STK17B: variants seen among roughly 807,000 people sequenced by gnomAD.
STK17B encodes the protein serine/threonine-protein kinase 17B.
In STK17B, 21 loss-of-function variants were observed where a neutral mutation model predicts 42.0. The observed-to-expected ratio is 0.50, with a 90% CI of 0.35 to 0.72. The LOEUF (loss-of-function observed/expected upper bound fraction) is 0.72. Ranked by LOEUF, STK17B falls within the 30% of genes least tolerant of loss-of-function variation. The pLI, the probability that STK17B is intolerant of heterozygous loss-of-function variation, is 0.00. For missense variants in STK17B, 349 were observed against 446.0 expected (o/e 0.78, Z 1.96); for synonymous variants, 143 against 148.4 (o/e 0.96, Z 0.26).
At chr2:196,144,923 T>C (rs934074264) in intron 4 of STK17B, among the ~76,000 whole-genome samples, 1 of 152,056 alleles carries the variant, frequency 6.6e-6, no homozygotes, top group African/African-American at 2.4e-5. Flanking sequence ...TAATTAGCTC[T>C]GTTGTTGTCA....
chr2:196,145,063 T>C (rs1485038674), intron 4 of STK17B, among the ~76,000 whole-genome samples: 1 of 151,196 alleles, frequency 6.6e-6, no homozygotes, highest in East Asian at 1.9e-4. Context: ...ATTTACTGTG[T>C]TGCTTCTTTT....
intron 1 of STK17B, among the ~76,000 whole-genome samples, chr2:196,167,554 T>C (rs1187806766): frequency 6.6e-6 from 1 of 152,204 alleles, no homozygotes; most frequent in Non-Finnish European, 1.5e-5. Flanking sequence ...ACTTACAAAA[T>C]GTCAGTTCTA....
At chr2:196,143,863 C>A (rs1375385056) in intron 4 of STK17B, among the ~76,000 whole-genome samples, 177 bp from the exon 5 acceptor site, 1 of 151,894 alleles carries the variant, frequency 6.6e-6, no homozygotes, top group Non-Finnish European at 1.5e-5. Flanking sequence ...ATGCATAAAG[C>A]CAAAAACACA....
intron 3 of STK17B, chr2:196,151,452 C>G (rs761383979): frequency 6.6e-6 from 1 of 152,218 alleles, no homozygotes; most frequent in East Asian, 1.9e-4. Flanking sequence ...AGGATGGTCT[C>G]GATCTCCTGA....
chr2:196,139,533 C>G (rs1699461992), intron 7 of STK17B, 87 bp downstream of exon 7: 8 of 857,686 alleles, frequency 9.3e-6, no homozygotes, highest in Non-Finnish European at 1.3e-5. Flanking sequence ...TTAGAATATA[C>G]TTTCTTAATA....
At chr2:196,149,653 T>C (rs1051633368) in intron 3 of STK17B, among the ~76,000 whole-genome samples, 2 of 152,158 alleles carry the variant, frequency 1.3e-5, no homozygotes, top group African/African-American at 4.8e-5. Flanking sequence ...TATTCTTAAG[T>C]GAAAAAGGAG....
intron 3 of STK17B, 106 bp from the exon 4 acceptor site, chr2:196,146,161 T>C: frequency 8.5e-7 from 1 of 1,169,632 alleles, no homozygotes. Context: ...TAAATGTTAA[T>C]ACGTTACACT....
chr2:196,152,169 C>T (rs569996933), intron 3 of STK17B, among the ~76,000 whole-genome samples: 49 of 149,400 alleles, frequency 3.3e-4, no homozygotes, highest in Non-Finnish European at 5.8e-4. Flanking sequence ...CGTAGTGGTG[C>T]GATCTCAGCT....
intron 3 of STK17B, chr2:196,153,360 A>C (rs1027821246): frequency 6.6e-6 from 1 of 152,038 alleles, no homozygotes; most frequent in African/African-American, 2.4e-5. Flanking sequence ...TGAATAAGCA[A>C]GTATTGCTGA....
chr2:196,174,660 G>C (rs539028007), upstream of STK17B, among the ~76,000 whole-genome samples: 2 of 152,326 alleles, frequency 1.3e-5, no homozygotes, highest in South Asian at 4.1e-4. Context: ...ATGGAGACAG[G>C]CTCCTCCAAA....
chr2:196,162,642 T>G (rs1254576777), intron 2 of STK17B, among the ~76,000 whole-genome samples: 1 of 151,898 alleles, frequency 6.6e-6, no homozygotes, highest in Non-Finnish European at 1.5e-5. Context: ...TCACACCAAT[T>G]ATCTCAGCAC....
intron 2 of STK17B, among the ~76,000 whole-genome samples, chr2:196,159,306 AG>A (rs1172127892): frequency 1.5e-5 from 2 of 132,430 alleles, no homozygotes; most frequent in East Asian, 2.8e-4. Flanking sequence ...TATTACCAAG[AG>A]GTTGTTTTTT....
At chr2:196,144,206 A>G (rs1699535369) in intron 4 of STK17B, among the ~76,000 whole-genome samples, 1 of 145,834 alleles carries the variant, frequency 6.9e-6, no homozygotes, top group African/African-American at 2.5e-5. Flanking sequence ...AAAAAAAAAA[A>G]GAGGCCGGGC....
intron 1 of STK17B, among the ~76,000 whole-genome samples, chr2:196,168,993 A>G (rs1261698029): frequency 6.6e-6 from 1 of 152,006 alleles, no homozygotes; most frequent in East Asian, 1.9e-4. Context: ...ACAAATACCC[A>G]TACAGTGCAG....
intron 7 of STK17B, 71 bp downstream of exon 7, chr2:196,139,549 A>G (rs1699462400): frequency 1.0e-6 from 1 of 954,012 alleles, no homozygotes; most frequent in Non-Finnish European, 1.4e-6. Flanking sequence ...TAATAGGTAT[A>G]TATTATTTAT....
At chr2:196,162,232 A>G (rs937431174) in intron 2 of STK17B, among the ~76,000 whole-genome samples, 2 of 152,182 alleles carry the variant, frequency 1.3e-5, no homozygotes, top group African/African-American at 4.8e-5. Flanking sequence ...TGGTTTCATA[A>G]TATCATGTCA....
At chr2:196,159,526 G>T (rs548813207) in intron 2 of STK17B, among the ~76,000 whole-genome samples, 1 of 152,094 alleles carries the variant, frequency 6.6e-6, no homozygotes, top group Non-Finnish European at 1.5e-5. Flanking sequence ...TGCCCAGGCT[G>T]GTTTCAAACT....
intron 7 of STK17B, among the ~76,000 whole-genome samples, chr2:196,138,571 GT>G (rs141542811): frequency 3.4e-5 from 5 of 148,974 alleles, no homozygotes; most frequent in African/African-American, 4.9e-5. Flanking sequence ...ATCACTTTTG[GT>G]TTTTTTTTGG....
intron 3 of STK17B, among the ~76,000 whole-genome samples, chr2:196,148,445 T>C (rs1163843321): frequency 6.6e-6 from 1 of 152,178 alleles, no homozygotes; most frequent in African/African-American, 2.4e-5. Flanking sequence ...AATAATATTA[T>C]ATTAGGTAAT....
Sources: allele counts gnomAD v4.1 joint callset (sites outside exome capture counted in the v4.1 genomes callset), GRCh38; gene constraint gnomAD v4.1.1; transcripts MANE v1.5; gene names NCBI Gene and HGNC (gene_info 2026-07-23, HGNC 2026-07-21).